CPEB4: variants seen among roughly 807,000 people sequenced by gnomAD.
CPEB4 encodes cytoplasmic polyadenylation element binding protein 4, also known as cytoplasmic polyadenylation element-binding protein 4.
CPEB4 carries 12 observed loss-of-function variants against 72.5 expected under a neutral mutation model. The observed-to-expected ratio is 0.17, with a 90% CI of 0.11 to 0.27. The LOEUF (loss-of-function observed/expected upper bound fraction) is 0.27. Ranked by LOEUF, CPEB4 falls within the 10% of genes least tolerant of loss-of-function variation. The pLI, the probability that CPEB4 is intolerant of heterozygous loss-of-function variation, is 1.00. For missense variants in CPEB4, 614 were observed against 908.5 expected, an observed-to-expected ratio of 0.68 and a Z score of 4.17; for synonymous variants, 302 against 326.3, an observed-to-expected ratio of 0.93 and a Z score of 0.80.
chr5:173,932,432 G>T lies in CPEB4; in HGVS notation c.1208-18G>T. The T allele has an allele frequency of 6.2e-7, 1 of 1,603,178 alleles. No homozygotes were observed. The highest frequency in any genetic ancestry group is 8.5e-7 in the Non-Finnish European group (1 of 1,173,286). ...TATGAAAAAAGTAAACTTAGTAACG[G>T]CCTTCTTTTACCTTCAGGTCGTCTA... On this transcript the variant is annotated intron_variant, in intron 2 of 9. Coordinates refer to ENST00000265085, the MANE Select transcript of CPEB4 (RefSeq NM_030627.4).
In CPEB4 at chr5:173,888,695, C is replaced by CT. The variant is rs1395823848; in HGVS notation, c.-1033dup. On this transcript the variant is annotated 5_prime_UTR_variant, in exon 1 of 10. Coordinates refer to ENST00000265085, the MANE Select transcript of CPEB4 (RefSeq NM_030627.4). This position sits in a 1 kb window ranked among gnomAD's most constrained non-coding sequence, Gnocchi z 4.3. Reference sequence around the variant, plus strand: ...GTAGTGGGTTTTTCCTTTTTTTCCTCTTTTTTCCCTCTCTGCGGAGAATCG... The same window carrying CT: ...GTAGTGGGTTTTTCCTTTTTTTCCTCTTTTTTTCCCTCTCTGCGGAGAATCG... The CT allele has an allele frequency of 1.8e-5, 7 of 395,638 alleles. No homozygotes were observed. The South Asian group carries it at 6.6e-4, about 37-fold the overall frequency. The allele number at this position is 395,638 out of a possible 1,614,324, so 24.5% of individuals were successfully genotyped here.
intron 2 of CPEB4, among the ~76,000 whole-genome samples, chr5:173,922,794 G>A (rs942083087): frequency 3.9e-5 from 6 of 152,126 alleles, no homozygotes; most frequent in African/African-American, 1.4e-4. Context: ...CGCTGCTTTG[G>A]ATGTATATGT....
intron 3 of CPEB4, 46 bp downstream of exon 3, chr5:173,932,546 C>T (rs1234240178): frequency 2.1e-6 from 3 of 1,416,584 alleles, no homozygotes; most frequent in South Asian, 1.2e-5. Context: ...AAAACTGATA[C>T]AGTAGTTGTG....
chr5:173,890,144 T>A lies in CPEB4; in HGVS notation c.411T>A (p.Ser137=). Residue 137 remains serine (S), a synonymous_variant, in exon 1 of 10, where the codon TCT becomes TCA. Transcript: ENST00000265085. ...GNGKEKIRIE[S]PVLTGFDYQE... The stretch of plus-strand genomic sequence containing the variant: ...GGAAGGAGAAAATAAGGATCGAATC[T>A]CCAGTGTTGACAGGGTTTGATTATC... The A allele has an allele frequency of 5.6e-6, 9 of 1,614,076 alleles. No homozygotes were observed. Among genetic ancestry groups the A allele is most frequent in the Non-Finnish European group, 7.6e-6 (9 of 1,179,996 alleles).
chr5:173,942,262 G>A (rs764156061), intron 3 of CPEB4, among the ~76,000 whole-genome samples: 1 of 152,228 alleles, frequency 6.6e-6, no homozygotes, highest in Non-Finnish European at 1.5e-5. Context: ...AGAAATGTTC[G>A]TTGGATAGAA....
Position 173,890,310 on chromosome 5 carries a change from G to A in CPEB4, c.577G>A (p.Gly193Arg). 7 of 1,614,098 alleles carry A rather than the reference G, an allele frequency of 4.3e-6. No homozygotes were observed. The highest frequency in any genetic ancestry group is 5.9e-6 in the Non-Finnish European group (7 of 1,180,004). ...TGAAGATGCAAGTTTCTTTCACCAG[G>A]GAGGGGTCCCTGCTGCTTCGGCTAA... Reference protein sequence around the residue: ...INEDASFFHQGGVPAASANNG... With the variant: ...INEDASFFHQRGVPAASANNG... Residue 193 changes from glycine to arginine, a missense_variant, in exon 1 of 10, where the codon GGA becomes AGA. This residue lies in a region of CPEB4 where 458 missense variants were observed against 548.6 expected (regional missense o/e 0.83). Transcript: ENST00000265085.
intron 2 of CPEB4, among the ~76,000 whole-genome samples, chr5:173,912,421 A>T (rs1756695503): frequency 6.6e-6 from 1 of 152,104 alleles, no homozygotes; most frequent in Admixed American, 6.5e-5. Flanking sequence ...AGAACACTGG[A>T]TAAAGGGTAC....
intron 2 of CPEB4, among the ~76,000 whole-genome samples, chr5:173,921,340 T>G (rs1264737518): frequency 2.6e-5 from 4 of 152,186 alleles, no homozygotes; most frequent in African/African-American, 7.2e-5. Context: ...TCTAGAGAAC[T>G]TCCCTAATTT....
intron 2 of CPEB4, among the ~76,000 whole-genome samples, chr5:173,923,435 A>T (rs1757138507): frequency 6.6e-6 from 1 of 152,178 alleles, no homozygotes; most frequent in African/African-American, 2.4e-5. Flanking sequence ...TGGTCCCTAG[A>T]GATTTCATAA....
intron 1 of CPEB4, among the ~76,000 whole-genome samples, chr5:173,895,619 C>T (rs1031002082): frequency 5.3e-5 from 8 of 151,952 alleles, no homozygotes; most frequent in Admixed American, 3.3e-4. Flanking sequence ...AATACAGTAT[C>T]GTTCCAAGAA....
Position 173,943,053 on chromosome 5 carries a change from A to T in CPEB4, c.1282+4A>T. On this transcript the variant is annotated splice_donor_region_variant and intron_variant, in intron 4 of 9. Transcript: ENST00000265085. ...AGGACATATGGGCGAAGGAGAGGTAACATTGTTTTTAACTTTTAAATGTAT... is the reference window on the plus strand; with the variant it reads ...AGGACATATGGGCGAAGGAGAGGTATCATTGTTTTTAACTTTTAAATGTAT... The T allele has an allele frequency of 6.2e-7, 1 of 1,611,472 alleles. No homozygotes were observed. Among genetic ancestry groups the T allele is most frequent in the Non-Finnish European group, 8.5e-7 (1 of 1,178,946 alleles).
rs530316859 is a variant in CPEB4, at chr5:173,893,898, G to A, written c.1125+3040G>A. ...GATAGGGGAAGACATTTTATTTGGA[G>A]GATTTTTGTATATTAAAAGGTGTTT... On this transcript the variant is annotated intron_variant, in intron 1 of 9. Coordinates refer to ENST00000265085, the MANE Select transcript of CPEB4 (RefSeq NM_030627.4). Among the ~76,000 whole-genome samples the A allele has an allele frequency of 3.3e-5, 5 of 152,286 alleles. No homozygotes were observed. The South Asian group carries it at 1.0e-3, about 32-fold the overall frequency.
chr5:173,942,983 G>T (rs549168189), intron 3 of CPEB4, 43 bp from the exon 4 acceptor site: 1 of 1,595,264 alleles, frequency 6.3e-7, no homozygotes, highest in Non-Finnish European at 8.5e-7. Flanking sequence ...TTGAAAGGTT[G>T]TTTTGTTTTT....
intron 5 of CPEB4, 76 bp downstream of exon 5, chr5:173,945,216 A>G: frequency 1.6e-6 from 2 of 1,287,190 alleles, no homozygotes; most frequent in Non-Finnish European, 2.2e-6. Flanking sequence ...GTGTTACAAT[A>G]ACAGTCTTAT....
At chr5:173,938,763 G>A (rs1386678129) in intron 3 of CPEB4, among the ~76,000 whole-genome samples, 2 of 152,150 alleles carry the variant, frequency 1.3e-5, no homozygotes, top group African/African-American at 4.8e-5. Flanking sequence ...ATTAGGTGCT[G>A]TCATGTAGGA....
Position 173,901,834 on chromosome 5 carries a change from A to G in CPEB4, c.1126-8689A>G, listed in dbSNP as rs151317513. 7.0e-3 allele frequency among the ~76,000 whole-genome samples: 1,068 copies of G among 152,340 alleles called. 6 individuals carry two copies. The highest frequency in any genetic ancestry group is 0.019 in the African/African-American group (801 of 41,586). On this transcript the variant is annotated intron_variant, in intron 1 of 9. Transcript: ENST00000265085. ...TTAGCCACTTTCTATATCAGTGGCG[A>G]TGGCTTTACGGCATGCTACAAGCTG...
At chr5:173,943,086 A>T in intron 4 of CPEB4, 37 bp downstream of exon 4, 1 of 1,603,346 alleles carries the variant, frequency 6.2e-7, no homozygotes, top group Non-Finnish European at 8.5e-7. Context: ...TATCACTTGT[A>T]TTTGGAGACG....
intron 1 of CPEB4, among the ~76,000 whole-genome samples, chr5:173,905,426 C>T (rs1054046125): frequency 1.1e-4 from 17 of 151,976 alleles, no homozygotes; most frequent in Non-Finnish European, 4.4e-5. Flanking sequence ...CCCCGCCTCC[C>T]AGGTTCAAAC....
At chr5:173,928,582 A>G (rs1757330927) in intron 2 of CPEB4, among the ~76,000 whole-genome samples, 1 of 152,250 alleles carries the variant, frequency 6.6e-6, no homozygotes, top group South Asian at 2.1e-4. Context: ...CATTGGGAAC[A>G]TGGAGTGAGG....
Sources: gnomAD v4.1 joint callset for allele counts (sites outside exome capture counted in the v4.1 genomes callset) on GRCh38, gnomAD v4.1.1 for gene constraint, gnomAD v4.1.1 regional missense constraint, Gnocchi (gnomAD v3.1) non-coding constraint, MANE v1.5 for transcripts, NCBI Gene and HGNC (gene_info 2026-07-23, HGNC 2026-07-21) for gene names.